The following FMO1 variants were observed in gnomAD, a reference collection of about 807,000 sequenced individuals.
FMO1 encodes the protein flavin containing dimethylaniline monoxygenase 1, also known as flavin-containing monooxygenase 1.
FMO1 carries 36 observed loss-of-function variants against 45.4 expected under a neutral mutation model. That is an observed-to-expected ratio of 0.79 (90% CI 0.61 to 1.05). The LOEUF is 1.05. Ranked by LOEUF, FMO1 falls within the 50% of genes least tolerant of loss-of-function variation. The pLI, the probability that FMO1 is intolerant of heterozygous loss-of-function variation, is 0.00. For synonymous variants in FMO1, 228 were observed against 227.2 expected, an observed-to-expected ratio of 1.00 and a Z score of -0.03; for missense variants, 615 against 640.3, an observed-to-expected ratio of 0.96 and a Z score of 0.43.
chr1:171,270,345 A>G (rs988162127), intron 3 of FMO1, among the ~76,000 whole-genome samples: 5 of 152,202 alleles, frequency 3.3e-5, no homozygotes, highest in African/African-American at 1.2e-4. Context: ...CCCCCATATG[A>G]TATGCAGGGT....
intron 1 of FMO1, among the ~76,000 whole-genome samples, chr1:171,250,316 A>G (rs1304831879): frequency 4.6e-5 from 7 of 152,228 alleles, no homozygotes; most frequent in African/African-American, 1.7e-4. Flanking sequence ...CTTTGCAAAG[A>G]TATGATGTCA....
rs928994827 is a variant in FMO1, at chr1:171,267,725, A to T, written c.315A>T (p.Gln105His). ...ANHFDLLKHI[Q>H]FKTKVCSVTK... ...ACTTTGACCTTCTGAAACACATTCA[A>T]TTCAAGGTAAGACACAAAACATCAG... Residue 105 changes from glutamine to histidine, a missense_variant, in exon 3 of 9, where the codon CAA becomes CAT. Coordinates refer to ENST00000617670, the MANE Select transcript of FMO1 (RefSeq NM_001282693.2). 1.2e-6 allele frequency: 2 copies of T among 1,606,960 alleles called. No individual in the cohort carries two copies. Among genetic ancestry groups the T allele is most frequent in the African/African-American group, 2.7e-5 (2 of 74,740 alleles).
intron 7 of FMO1, chr1:171,282,645 C>T (rs996855161): frequency 3.4e-5 from 9 of 262,204 alleles, no homozygotes; most frequent in Admixed American, 2.9e-4. Flanking sequence ...CTCACTATCT[C>T]GTCCAGACTA....
In FMO1 at chr1:171,285,379, A is replaced by G; in HGVS notation, c.1434A>G (p.Pro478=). The part of the protein sequence containing the change: ...CSPYQFRLTG[P]GKWEGARNAI... ...CATACCAGTTCCGCTTGACTGGCCCAGGAAAATGGGAAGGAGCCAGAAATG... is the reference window on the plus strand; with the variant it reads ...CATACCAGTTCCGCTTGACTGGCCCGGGAAAATGGGAAGGAGCCAGAAATG... The change falls in exon 9 of 9, where the codon CCA becomes CCG. Residue 478 remains proline, a synonymous_variant. Transcript: ENST00000617670. The G allele has an allele frequency of 6.2e-7, 1 of 1,613,846 alleles. No individual in the cohort carries two copies. The highest frequency in any genetic ancestry group is 1.1e-5 in the South Asian group (1 of 91,006).
At chr1:171,250,441 A>G (rs1192334985) in intron 1 of FMO1, among the ~76,000 whole-genome samples, 1 of 152,236 alleles carries the variant, frequency 6.6e-6, no homozygotes, top group Non-Finnish European at 1.5e-5. Flanking sequence ...ATTTTAAAAT[A>G]GCTCAGAGTG....
chr1:171,280,789 T>C lies in FMO1; in HGVS notation c.631T>C (p.Phe211Leu), dbSNP rs1661315303. Residue 211 changes from phenylalanine to leucine, a missense_variant, in exon 6 of 9, where the codon TTC (phenylalanine) becomes CTC (leucine). Physicochemically the swap from Phe to Leu is conservative, Grantham distance 22. Coordinates refer to ENST00000617670, the MANE Select transcript of FMO1 (RefSeq NM_001282693.2). ...VEASHLAEKV[F>L]LSTTGGGWVI... is the part of the protein sequence containing the mutation. ...GGATGTCTTTGATTGCTTCCAGGTG[T>C]TCCTCAGCACCACCGGAGGGGGATG... The C allele has an allele frequency of 6.2e-7, 1 of 1,611,832 alleles. No individual in the cohort carries two copies.
At chr1:171,283,431 A>G (rs1661478352) in intron 8 of FMO1, among the ~76,000 whole-genome samples, 2 of 152,100 alleles carry the variant, frequency 1.3e-5, no homozygotes, top group African/African-American at 4.8e-5. Flanking sequence ...GGGAATTTAG[A>G]ATTTTTAATG....
intron 3 of FMO1, among the ~76,000 whole-genome samples, chr1:171,269,715 T>G: frequency 6.7e-6 from 1 of 149,280 alleles, no homozygotes; most frequent in Non-Finnish European, 1.5e-5. Flanking sequence ...TCATGACTAA[T>G]GAGTGAGTTT....
chr1:171,285,137 G>A, intron 8 of FMO1, 65 bp from the exon 9 acceptor site: 1 of 1,107,528 alleles, frequency 9.0e-7, no homozygotes, highest in South Asian at 1.6e-5. Flanking sequence ...TTGGGCACTT[G>A]TACTTGTTCT....
chr1:171,249,925 G>A (rs1049949235), intron 1 of FMO1, among the ~76,000 whole-genome samples: 14 of 151,956 alleles, frequency 9.2e-5, no homozygotes, highest in African/African-American at 2.2e-4. Context: ...TAAAATCTCC[G>A]GGTCAATAAA....
intron 4 of FMO1, among the ~76,000 whole-genome samples, chr1:171,277,011 C>A (rs889088341): frequency 1.3e-5 from 2 of 152,122 alleles, no homozygotes; most frequent in Non-Finnish European, 2.9e-5. Context: ...CAACAGTACA[C>A]ATCACAAATC....
chr1:171,255,001 T>C (rs541309943), intron 1 of FMO1, among the ~76,000 whole-genome samples: 51 of 152,320 alleles, frequency 3.3e-4, no homozygotes, highest in Admixed American at 7.2e-4. Context: ...GCCTTATTCT[T>C]CCTTTGCAAT....
chr1:171,285,809 T>C lies in FMO1; in HGVS notation c.*265T>C. ...AGGTTCATTTTAGAAAGAAAGCTGT[T>C]CTTGACAGCACTCTGAGCCATCATA... On this transcript the variant is annotated 3_prime_UTR_variant, in exon 9 of 9. Transcript: ENST00000617670. 1 of 303,018 alleles carries C rather than the reference T, an allele frequency of 3.3e-6. No individual in the cohort carries two copies. Among genetic ancestry groups the C allele is most frequent in the Non-Finnish European group, 6.0e-6 (1 of 166,724 alleles). 18.8% of individuals were successfully genotyped at this position (303,018 alleles called of 1,614,324 possible). A position where few individuals can be genotyped will look rare whatever the true frequency, so the allele number is the denominator to read the frequency against.
In FMO1 at chr1:171,248,599, G is replaced by A. The variant is rs1050139575; in HGVS notation, c.-31G>A. On this transcript the variant is annotated 5_prime_UTR_variant, in exon 1 of 9. Coordinates refer to ENST00000617670, the MANE Select transcript of FMO1 (RefSeq NM_001282693.2). ...AGAGTCCTGCGTGGCAGAGCCATTG[G>A]CACCAGAAATTACAAGTACGTAAAG... The A allele has an allele frequency of 1.3e-5, 2 of 152,094 alleles. No homozygotes were observed. The highest frequency in any genetic ancestry group is 4.8e-5 in the African/African-American group (2 of 41,424). The allele number at this position is 152,094 out of a possible 1,614,324, so 9.4% of individuals were successfully genotyped here. A position where few individuals can be genotyped will look rare whatever the true frequency, so the allele number is the denominator to read the frequency against.
intron 3 of FMO1, 59 bp downstream of exon 3, chr1:171,267,790 C>A: frequency 7.5e-7 from 1 of 1,334,766 alleles, no homozygotes; most frequent in Non-Finnish European, 1.0e-6. Context: ...TTTCTCTTAT[C>A]TCTCCAGCCT....
Position 171,283,161 on chromosome 1 carries a change from C to A in FMO1, c.1201C>A (p.Pro401Thr). ...TCCTACAGGTGTAAATAAGTTACCACCACCAAGTGTCATGATAGAGGAAAT... is the reference window on the plus strand; with the variant it reads ...TCCTACAGGTGTAAATAAGTTACCAACACCAAGTGTCATGATAGAGGAAAT... Reference protein sequence around the residue: ...RVLKGVNKLPPPSVMIEEINA... With the variant: ...RVLKGVNKLPTPSVMIEEINA... Residue 401 changes from proline (P) to threonine (T), a missense_variant, in exon 8 of 9, where the codon CCA (proline) becomes ACA (threonine). By Grantham distance (38) the Pro-to-Thr change is conservative. Transcript: ENST00000617670. 1 of 1,577,368 alleles carries A rather than the reference C, an allele frequency of 6.3e-7. No individual in the cohort carries two copies. The highest frequency in any genetic ancestry group is 8.6e-7 in the Non-Finnish European group (1 of 1,156,442).
chr1:171,281,851 C>G, intron 6 of FMO1, 127 bp from the exon 7 acceptor site: 2 of 603,320 alleles, frequency 3.3e-6, no homozygotes, highest in South Asian at 4.3e-5. Context: ...TAACATCTCC[C>G]AAGACTTGCA....
At chr1:171,273,508 T>C (rs1660961663) in intron 3 of FMO1, among the ~76,000 whole-genome samples, 1 of 151,790 alleles carries the variant, frequency 6.6e-6, no homozygotes, top group South Asian at 2.1e-4. Context: ...CCAAGACCTT[T>C]TTTATTTTGT....
intron 2 of FMO1, among the ~76,000 whole-genome samples, chr1:171,262,348 C>T (rs1033956851): frequency 5.9e-5 from 9 of 152,178 alleles, no homozygotes; most frequent in Admixed American, 1.3e-4. Flanking sequence ...TAAAAGCACA[C>T]AGACATCATC....
Sources: gnomAD v4.1 joint callset for allele counts (sites outside exome capture counted in the v4.1 genomes callset) on GRCh38, gnomAD v4.1.1 for gene constraint, MANE v1.5 for transcripts, NCBI Gene and HGNC (gene_info 2026-07-23, HGNC 2026-07-21) for gene names.